The following ECT2 variants were observed in gnomAD, a reference collection of about 807,000 sequenced individuals.
ECT2 encodes epithelial cell transforming 2, also known as protein ECT2.
ECT2 carries 61 observed loss-of-function variants against 116.9 expected under a neutral mutation model. The observed-to-expected ratio is 0.52, with a 90% confidence interval of 0.42 to 0.65. The LOEUF (loss-of-function observed/expected upper bound fraction) is 0.65, where lower values mean the gene tolerates loss of function less well. Ranked by LOEUF, ECT2 falls within the 30% of genes least tolerant of loss-of-function variation. ECT2 has a pLI of 0.00. For synonymous variants in ECT2, 358 were observed against 346.4 expected, an observed-to-expected ratio of 1.03 and a Z score of -0.37; for missense variants, 937 against 1,078.7, an observed-to-expected ratio of 0.87 and a Z score of 1.84.
intron 14 of ECT2, among the ~76,000 whole-genome samples, chr3:172,778,786 G>A (rs1426674662): frequency 6.6e-6 from 1 of 151,682 alleles, no homozygotes; most frequent in Non-Finnish European, 1.5e-5. Flanking sequence ...TAGTAGAGAC[G>A]GAGTTTCATC....
At chr3:172,772,776 A>G (rs1322388728) in intron 13 of ECT2, among the ~76,000 whole-genome samples, 3 of 151,954 alleles carry the variant, frequency 2.0e-5, no homozygotes, top group Admixed American at 2.0e-4. Flanking sequence ...ACCCATTTTG[A>G]GTTAATTTTT....
intron 18 of ECT2, among the ~76,000 whole-genome samples, chr3:172,802,148 CTT>C (rs945895951): frequency 4.0e-5 from 6 of 151,332 alleles, no homozygotes; most frequent in African/African-American, 1.5e-4. Context: ...GAGTTTCACT[CTT>C]GTTGCCTAGA....
At chr3:172,816,612 T>C (rs1419914703) in intron 23 of ECT2, 79 bp from the exon 24 acceptor site, 5 of 1,291,476 alleles carry the variant, frequency 3.9e-6, no homozygotes, top group Admixed American at 2.6e-5. Flanking sequence ...TGCCATATAT[T>C]TGGCTTTTTT....
Position 172,815,631 on chromosome 3 carries a change from G to T in ECT2, c.2428G>T (p.Glu810Ter). The T allele has an allele frequency of 6.3e-7, 1 of 1,597,296 alleles. No individual in the cohort carries two copies. The highest frequency in any genetic ancestry group is 8.5e-7 in the Non-Finnish European group (1 of 1,171,734). The change falls in exon 23 of 25, where the codon GAA becomes TAA. Residue 810 changes from glutamate (E) to a stop codon, truncating the protein, a stop_gained. Coordinates refer to ENST00000392692, the MANE Select transcript of ECT2 (RefSeq NM_001258315.2). LOFTEE classifies it high-confidence loss of function. ...GAATCTTATTTATACTGCTGATCCA[G>T]AATCCTTTGAAGTAAATACAAAAGA... is the stretch of plus-strand genomic sequence containing the variant. ...AENLIYTADP[E>*]SFEVNTKDMD...
At chr3:172,789,703 A>C (rs1303008054) in intron 18 of ECT2, among the ~76,000 whole-genome samples, 1 of 152,182 alleles carries the variant, frequency 6.6e-6, no homozygotes, top group Non-Finnish European at 1.5e-5. Flanking sequence ...CTTTCTTGTC[A>C]TTTCAACAGT....
At chr3:172,764,207 T>C (rs1718884034) in intron 11 of ECT2, 71 bp from the exon 12 acceptor site, 1 of 1,331,090 alleles carries the variant, frequency 7.5e-7, no homozygotes, top group Non-Finnish European at 1.1e-6. Context: ...CTTGTAAATA[T>C]ATTTTTCTCT....
intron 18 of ECT2, among the ~76,000 whole-genome samples, chr3:172,794,038 C>T (rs776432776): frequency 6.6e-6 from 1 of 151,410 alleles, no homozygotes; most frequent in Non-Finnish European, 1.5e-5. Flanking sequence ...ATATTTTCTC[C>T]TAGTTTCTGG....
intron 24 of ECT2, among the ~76,000 whole-genome samples, chr3:172,819,132 A>T (rs1730293982): frequency 6.6e-6 from 1 of 152,118 alleles, no homozygotes; most frequent in Non-Finnish European, 1.5e-5. Context: ...AATATGCCAA[A>T]TCATAAAAGT....
intron 7 of ECT2, among the ~76,000 whole-genome samples, chr3:172,760,994 T>C (rs1334791141): frequency 6.6e-6 from 1 of 152,132 alleles, no homozygotes; most frequent in African/African-American, 2.4e-5. Flanking sequence ...GTGGTGGGAT[T>C]ACAGGCATGA....
Position 172,762,672 on chromosome 3 carries a change from T to A in ECT2, c.890-19T>A. 1 of 1,595,948 alleles carries A rather than the reference T, an allele frequency of 6.3e-7. No individual in the cohort carries two copies. ...ATAAGTAGCTTGGCTTATTTATGCTTATGTGCATTCCTTTTTAGGAGGTAA... is the reference window on the plus strand; with the variant it reads ...ATAAGTAGCTTGGCTTATTTATGCTAATGTGCATTCCTTTTTAGGAGGTAA... On this transcript the variant is annotated intron_variant, in intron 9 of 24. Coordinates refer to ENST00000392692, the MANE Select transcript of ECT2 (RefSeq NM_001258315.2).
rs1553766480 is a variant in ECT2 at position 172,797,041 on chromosome 3, T to TGTGTGTGTGA, written c.1908-5566_1908-5565insAGTGTGTGTG. Among the ~76,000 whole-genome samples the TGTGTGTGTGA allele has an allele frequency of 1.2e-3, 181 of 151,694 alleles. 1 individual carries two copies. The highest frequency in any genetic ancestry group is 4.2e-3 in the African/African-American group (172 of 41,364). The stretch of plus-strand genomic sequence containing the variant: ...AACTGTGTGTGTGTGTGTGTGTGTG[T>TGTGTGTGTGA]GTGTGTGTGTGTCAGGGTCTCATTC... On this transcript the variant is annotated intron_variant, in intron 18 of 24. Transcript: ENST00000392692.
Position 172,759,003 on chromosome 3 carries a change from GTTGTA to G in ECT2, c.516_520del (p.Cys173LysfsTer13), listed in dbSNP as rs1717662916. 1.2e-5 allele frequency: 20 copies of G among 1,610,506 alleles called. No individual in the cohort carries two copies. The highest frequency in any genetic ancestry group is 1.7e-5 in the Non-Finnish European group (20 of 1,179,038). On this transcript the variant is annotated frameshift_variant, in exon 6 of 25. Coordinates refer to ENST00000392692, the MANE Select transcript of ECT2 (RefSeq NM_001258315.2). LOFTEE classifies it high-confidence loss of function. Reference sequence around the variant, plus strand: ...AGCCTTTGCCATTTTCATGTCGCCCGTTGTATTGTACAAGTATGATGAATCTAGTA... The same window carrying G: ...AGCCTTTGCCATTTTCATGTCGCCCGTTGTACAAGTATGATGAATCTAGTA...
At chr3:172,757,416 T>C (rs1418260591) in intron 5 of ECT2, among the ~76,000 whole-genome samples, 1 of 33,052 alleles carries the variant, frequency 3.0e-5, no homozygotes, top group South Asian at 8.4e-4. Flanking sequence ...TACATAGTCC[T>C]TTTTTTTTTT....
chr3:172,765,399 G>GA (rs1339024224), intron 12 of ECT2, among the ~76,000 whole-genome samples: 1 of 151,920 alleles, frequency 6.6e-6, no homozygotes, highest in African/African-American at 2.4e-5. Flanking sequence ...CTATGGTTTT[G>GA]AAAAGCATTT....
intron 22 of ECT2, among the ~76,000 whole-genome samples, chr3:172,808,605 T>C (rs1446518977): frequency 6.6e-6 from 1 of 152,188 alleles, no homozygotes; most frequent in Non-Finnish European, 1.5e-5. Flanking sequence ...TAATTTGATT[T>C]CTTCCTCTCT....
chr3:172,809,956 A>T (rs1728466785), intron 22 of ECT2, among the ~76,000 whole-genome samples: 1 of 152,104 alleles, frequency 6.6e-6, no homozygotes, highest in Non-Finnish European at 1.5e-5. Flanking sequence ...ATATTTTGTT[A>T]TTTCAGAATC....
intron 18 of ECT2, among the ~76,000 whole-genome samples, chr3:172,797,094 A>G (rs1051914787): frequency 2.0e-5 from 3 of 148,646 alleles, no homozygotes; most frequent in Non-Finnish European, 3.0e-5. Flanking sequence ...CAGTGGCACA[A>G]TCTTGACTCA....
rs1253564183 is a variant in ECT2 at position 172,814,826 on chromosome 3, GTTA to G, written c.2401-775_2401-773del. ...TGAACCTTCAAAATCCACTATTCTG[GTTA>G]TTTTGAAATATACAATGCAATAATG... On this transcript the variant is annotated intron_variant, in intron 22 of 24. Coordinates refer to ENST00000392692, the MANE Select transcript of ECT2 (RefSeq NM_001258315.2). Among the ~76,000 whole-genome samples, 9 of 152,110 alleles carry G rather than the reference GTTA, an allele frequency of 5.9e-5. No homozygotes were observed. The East Asian group carries it at 1.3e-3, about 23-fold the overall frequency.
At chr3:172,828,773 G>T in the ECT2 span, 1 of 635,622 alleles carries the variant, frequency 1.6e-6, no homozygotes, top group Non-Finnish European at 2.9e-6. Flanking sequence ...TCAAACAGAA[G>T]AACCCCCCAT....
Sources: gnomAD v4.1 joint callset for allele counts (sites outside exome capture counted in the v4.1 genomes callset) on GRCh38, gnomAD v4.1.1 for gene constraint, MANE v1.5 for transcripts, NCBI Gene and HGNC (gene_info 2026-07-23, HGNC 2026-07-21) for gene names.